The following MAST2 variants were observed in gnomAD, a reference collection of about 807,000 sequenced individuals.
The protein encoded by MAST2 is microtubule associated serine/threonine kinase 2, also known as microtubule-associated serine/threonine-protein kinase 2.
A neutral mutation model predicts 147.4 loss-of-function variants in MAST2; 70 were observed. That is an observed-to-expected ratio of 0.47 (90% CI 0.39 to 0.58). The LOEUF is 0.58. Ranked by LOEUF, MAST2 falls within the 20% of genes least tolerant of loss-of-function variation. The pLI, the probability that MAST2 is intolerant of heterozygous loss-of-function variation, is 0.00. For missense variants in MAST2, 2,080 were observed against 2,302.3 expected, an observed-to-expected ratio of 0.90 and a Z score of 1.98; for synonymous variants, 869 against 896.8, an observed-to-expected ratio of 0.97 and a Z score of 0.55.
At chr1:45,817,642 A>G (rs989813415) in intron 1 of MAST2, among the ~76,000 whole-genome samples, 10 of 152,204 alleles carry the variant, frequency 6.6e-5, no homozygotes, top group Admixed American at 3.9e-4. Context: ...AAGGTACAAA[A>G]CTGACTGGTA....
At chr1:46,024,357 T>G (rs974178379) in intron 15 of MAST2, 2 of 258,094 alleles carry the variant, frequency 7.7e-6, no homozygotes, top group African/African-American at 2.2e-5. Context: ...AAGCCATTAA[T>G]TACCCTGACT....
At chr1:45,941,880 A>G (rs1657347172) in intron 4 of MAST2, among the ~76,000 whole-genome samples, 1 of 152,338 alleles carries the variant, frequency 6.6e-6, no homozygotes, top group Non-Finnish European at 1.5e-5. Context: ...ATATTGTAAC[A>G]CAATTATGAA....
intron 3 of MAST2, among the ~76,000 whole-genome samples, chr1:45,860,990 A>G (rs577290560): frequency 4.7e-4 from 72 of 152,146 alleles, no homozygotes; most frequent in Non-Finnish European, 9.4e-4. Flanking sequence ...ATACCTCTGA[A>G]ATGTTCCTTC....
chr1:45,891,068 T>C (rs1647690514), intron 4 of MAST2, among the ~76,000 whole-genome samples: 1 of 152,204 alleles, frequency 6.6e-6, no homozygotes, highest in African/African-American at 2.4e-5. Flanking sequence ...CACAAAGTGA[T>C]ATGTGGTATG....
chr1:45,964,043 G>T (rs527868980), intron 5 of MAST2, among the ~76,000 whole-genome samples: 1 of 152,326 alleles, frequency 6.6e-6, no homozygotes, highest in South Asian at 2.1e-4. Flanking sequence ...TGTTGAACCA[G>T]CCTTGCATCC....
chr1:45,836,756 A>G (rs1645113857), intron 3 of MAST2, among the ~76,000 whole-genome samples: 1 of 152,238 alleles, frequency 6.6e-6, no homozygotes, highest in Non-Finnish European at 1.5e-5. Context: ...GACTTTTGGC[A>G]GATGTATACA....
rs192985334 is a variant in MAST2 at position 45,839,693 on chromosome 1, T to C, written c.468+10112T>C. Among the ~76,000 whole-genome samples the C allele has an allele frequency of 2.1e-3, 318 of 152,262 alleles. 1 individual carries two copies. Among genetic ancestry groups the C allele is most frequent in the Non-Finnish European group, 3.3e-3 (227 of 68,006 alleles). On this transcript the variant is annotated intron_variant, in intron 3 of 28. Coordinates refer to ENST00000361297, the MANE Select transcript of MAST2 (RefSeq NM_015112.3). ...ATATCAAGCTGATTTCAAATGTGTA[T>C]TGAAATGTAAAGGACCTAGAATAAC...
intron 4 of MAST2, among the ~76,000 whole-genome samples, chr1:45,958,538 ATCCCCCTC>A (rs1003253301): frequency 4.8e-5 from 5 of 105,238 alleles, no homozygotes; most frequent in Non-Finnish European, 1.9e-5. Flanking sequence ...CTCTCCCTCT[ATCCCCCTC>A]TCCCCCTCTC....
intron 28 of MAST2, 120 bp downstream of exon 28, chr1:46,034,386 C>T (rs1368788321): frequency 2.2e-6 from 3 of 1,355,160 alleles, no homozygotes; most frequent in Non-Finnish European, 3.0e-6. Flanking sequence ...CCTGAAAGAT[C>T]CTGTAGTCTT....
At chr1:45,837,359 T>A (rs570551338) in intron 3 of MAST2, among the ~76,000 whole-genome samples, 1 of 152,240 alleles carries the variant, frequency 6.6e-6, no homozygotes, top group Non-Finnish European at 1.5e-5. Context: ...TTCATAGGAA[T>A]GGAATCATAC....
chr1:45,892,655 C>T (rs773337486), intron 4 of MAST2, among the ~76,000 whole-genome samples: 1 of 152,096 alleles, frequency 6.6e-6, no homozygotes, highest in African/African-American at 2.4e-5. Context: ...AGTCCTTTTC[C>T]GTGGAGCTCT....
chr1:45,889,840 A>T (rs1313671364), intron 4 of MAST2, among the ~76,000 whole-genome samples: 2 of 151,474 alleles, frequency 1.3e-5, no homozygotes, highest in Admixed American at 6.6e-5. Context: ...CGAACTCCCA[A>T]CCTCAGGTGA....
chr1:45,874,395 T>G lies in MAST2; in HGVS notation c.469-7969T>G, dbSNP rs116170766. 1.8e-3 allele frequency among the ~76,000 whole-genome samples: 272 copies of G among 152,286 alleles called. 3 individuals are homozygous for G. Among genetic ancestry groups the G allele is most frequent in the African/African-American group, 6.4e-3 (267 of 41,560 alleles). On this transcript the variant is annotated intron_variant, in intron 3 of 28. Transcript: ENST00000361297. ...TAAATGATATTAACATAGATTTTCTTCCTCGGTAATATTTTTCTCTTCTTA... is the reference window on the plus strand; with the variant it reads ...TAAATGATATTAACATAGATTTTCTGCCTCGGTAATATTTTTCTCTTCTTA...
At chr1:45,998,391 G>A (rs1329038020) in intron 6 of MAST2, among the ~76,000 whole-genome samples, 2 of 152,220 alleles carry the variant, frequency 1.3e-5, no homozygotes, top group Admixed American at 6.5e-5. Flanking sequence ...CCTCTTGAGA[G>A]TGATAACAAA....
intron 11 of MAST2, 79 bp from the exon 12 acceptor site, chr1:46,021,871 C>T (rs1347833747): frequency 7.1e-7 from 1 of 1,407,598 alleles, no homozygotes; most frequent in African/African-American, 1.4e-5. Context: ...TCTCAGTCTA[C>T]TATATGCTGT....
intron 4 of MAST2, among the ~76,000 whole-genome samples, chr1:45,909,472 T>C (rs1464936368): frequency 6.6e-6 from 1 of 152,082 alleles, no homozygotes; most frequent in African/African-American, 2.4e-5. Context: ...GTATATATAA[T>C]ATTATGCTTT....
chr1:45,891,389 T>C (rs758324121), intron 4 of MAST2, among the ~76,000 whole-genome samples: 5 of 152,132 alleles, frequency 3.3e-5, no homozygotes, highest in Admixed American at 2.6e-4. Context: ...CCTAGCTACT[T>C]AGGGGGCTGA....
intron 1 of MAST2, among the ~76,000 whole-genome samples, chr1:45,818,384 G>A (rs1397239697): frequency 2.0e-5 from 3 of 152,130 alleles, no homozygotes; most frequent in East Asian, 3.8e-4. Context: ...CCACTGAGCT[G>A]GTTGTCACAG....
intron 4 of MAST2, among the ~76,000 whole-genome samples, chr1:45,946,956 C>T (rs1054198465): frequency 2.0e-5 from 3 of 152,146 alleles, no homozygotes; most frequent in Non-Finnish European, 4.4e-5. Flanking sequence ...AGTTAGGCCA[C>T]ATAAAATGCC....
Sources: allele counts gnomAD v4.1 joint callset (sites outside exome capture counted in the v4.1 genomes callset), GRCh38; gene constraint gnomAD v4.1.1; transcripts MANE v1.5; gene names NCBI Gene and HGNC (gene_info 2026-07-23, HGNC 2026-07-21).